The following TOM1L2 variants were observed in gnomAD, a reference collection of about 807,000 sequenced individuals.
The protein encoded by TOM1L2 is TOM1-like protein 2.
A neutral mutation model predicts 67.9 loss-of-function variants in TOM1L2; 31 were observed. The ratio of observed to expected loss-of-function variants is 0.46; its 90% CI spans 0.34 to 0.62. The LOEUF (loss-of-function observed/expected upper bound fraction) is 0.62, where lower values mean the gene tolerates loss of function less well. TOM1L2 is among the 20% of genes least tolerant of loss of function. TOM1L2 has a pLI of 0.01. For missense variants in TOM1L2, 606 were observed against 663.5 expected (o/e 0.91, Z 0.95); for synonymous variants, 256 against 254.0 (o/e 1.01, Z -0.07).
intron 4 of TOM1L2, among the ~76,000 whole-genome samples, chr17:17,889,723 C>G (rs936112322): frequency 6.6e-6 from 1 of 152,324 alleles, no homozygotes; most frequent in African/African-American, 2.4e-5. Context: ...CCACTCCACC[C>G]CCAAGCCACA....
chr17:17,933,954 T>C (rs2040425392), intron 1 of TOM1L2, among the ~76,000 whole-genome samples: 1 of 152,122 alleles, frequency 6.6e-6, no homozygotes, highest in Non-Finnish European at 1.5e-5. Flanking sequence ...GAGATGACAG[T>C]ATTATCCCAC....
In TOM1L2 at chr17:17,869,350, G is replaced by A; in HGVS notation, c.901C>T (p.Arg301Ter). The A allele has an allele frequency of 3.1e-6, 5 of 1,610,042 alleles. No individual in the cohort carries two copies. Among genetic ancestry groups the A allele is most frequent in the Middle Eastern group, 1.7e-4 (1 of 6,050 alleles). ...AAATCCGGCTCCCACCTCTCGTATC[G>A]AAGGAAGACGTTGTTGAGGTCATCG... ...VNDDLNNVFLRYERFERYRSG... is the reference protein window; with the variant it reads ...VNDDLNNVFL Residue 301 changes from arginine (R) to a stop codon, truncating the protein, a stop_gained, in exon 8 of 15, where the codon CGA (arginine) becomes TGA (stop). Transcript: ENST00000379504. LOFTEE classifies it high-confidence loss of function.
intron 6 of TOM1L2, among the ~76,000 whole-genome samples, 187 bp from the exon 7 acceptor site, chr17:17,879,930 AGAGCTGAATGGGC>A (rs1253993399): frequency 6.6e-6 from 1 of 152,148 alleles, no homozygotes; most frequent in Non-Finnish European, 1.5e-5. Flanking sequence ...CAGCTCTGAG[AGAGCTGAATGGGC>A]CCTGCCACCA....
intron 4 of TOM1L2, among the ~76,000 whole-genome samples, chr17:17,887,665 G>A: frequency 6.6e-6 from 1 of 152,106 alleles, no homozygotes; most frequent in Non-Finnish European, 1.5e-5. Flanking sequence ...TTGTAGAAAT[G>A]GGGTTTCATC....
chr17:17,898,572 C>T, intron 3 of TOM1L2, 24 bp downstream of exon 3: 1 of 1,613,568 alleles, frequency 6.2e-7, no homozygotes, highest in South Asian at 1.1e-5. Flanking sequence ...GATGACTTCT[C>T]TCCTCAAGGA....
chr17:17,874,283 T>C (rs1444288297), intron 7 of TOM1L2, among the ~76,000 whole-genome samples: 1 of 151,670 alleles, frequency 6.6e-6, no homozygotes, highest in Non-Finnish European at 1.5e-5. Context: ...ATTTATTTAA[T>C]ATGTTGAGAT....
chr17:17,969,434 A>T (rs1484524546), intron 1 of TOM1L2, among the ~76,000 whole-genome samples: 1 of 102,246 alleles, frequency 9.8e-6, no homozygotes. Flanking sequence ...CCAATCCCCC[A>T]CCCCCGCACA....
intron 1 of TOM1L2, among the ~76,000 whole-genome samples, chr17:17,964,344 C>T (rs1487044002): frequency 6.6e-6 from 1 of 152,210 alleles, no homozygotes; most frequent in Non-Finnish European, 1.5e-5. Flanking sequence ...AATGTATTTA[C>T]ACCGTTTTCC....
At chr17:17,909,577 C>A (rs2039251213) in intron 1 of TOM1L2, among the ~76,000 whole-genome samples, 1 of 144,524 alleles carries the variant, frequency 6.9e-6, no homozygotes, top group Non-Finnish European at 1.5e-5. Flanking sequence ...ATGGTGGTTG[C>A]CAGAGGCTGC....
chr17:17,958,082 T>G (rs2041537253), intron 1 of TOM1L2, among the ~76,000 whole-genome samples: 2 of 148,592 alleles, frequency 1.3e-5, no homozygotes, highest in Admixed American at 1.3e-4. Flanking sequence ...AGAGCAAGAC[T>G]CTGTCTCAAA....
chr17:17,885,245 A>T (rs1365543258), intron 4 of TOM1L2, among the ~76,000 whole-genome samples: 1 of 152,264 alleles, frequency 6.6e-6, no homozygotes, highest in Non-Finnish European at 1.5e-5. Flanking sequence ...CAGAAAGGAA[A>T]GGAGAAATTG....
At chr17:17,859,171 G>A (rs2036418144) in intron 12 of TOM1L2, 2 of 152,182 alleles carry the variant, frequency 1.3e-5, no homozygotes, top group South Asian at 2.1e-4. Flanking sequence ...CCGCCTTTGG[G>A]TTCAAGCGAT....
chr17:17,889,136 C>T (rs928835677), intron 4 of TOM1L2, among the ~76,000 whole-genome samples: 1 of 152,188 alleles, frequency 6.6e-6, no homozygotes, highest in Non-Finnish European at 1.5e-5. Flanking sequence ...CAGAACCACA[C>T]TGCTGGGTCT....
At chr17:17,850,215 C>T (rs1385382449) in intron 13 of TOM1L2, among the ~76,000 whole-genome samples, 1 of 152,158 alleles carries the variant, frequency 6.6e-6, no homozygotes, top group Admixed American at 6.5e-5. Context: ...CACCCTGGCC[C>T]CCTACTGGGC....
chr17:17,954,072 T>C (rs2041323750), intron 1 of TOM1L2, among the ~76,000 whole-genome samples: 1 of 152,220 alleles, frequency 6.6e-6, no homozygotes, highest in Admixed American at 6.5e-5. Context: ...GCCACTGCAG[T>C]TCAGAGGCTT....
chr17:17,960,424 C>T lies in TOM1L2; in HGVS notation c.52+11838G>A, dbSNP rs917366051. On this transcript the variant is annotated intron_variant, in intron 1 of 14. Coordinates refer to ENST00000379504, the MANE Select transcript of TOM1L2 (RefSeq NM_001082968.2). ...TCTCAGCTCACAGCAACCTCTGCCTCCTGGGCTCATGCCATCTTCCCACCT... is the reference window on the plus strand; with the variant it reads ...TCTCAGCTCACAGCAACCTCTGCCTTCTGGGCTCATGCCATCTTCCCACCT... Among the ~76,000 whole-genome samples the T allele has an allele frequency of 2.0e-5, 3 of 152,192 alleles. No individual in the cohort carries two copies. The East Asian group carries it at 5.8e-4, about 29-fold the overall frequency.
chr17:17,903,145 G>A (rs532911630), intron 2 of TOM1L2, among the ~76,000 whole-genome samples: 121 of 152,238 alleles, frequency 7.9e-4, no homozygotes, highest in Non-Finnish European at 1.5e-3. Context: ...ACTAGTCTCC[G>A]TAGCTATATA....
At chr17:17,914,446 G>C (rs1182368727) in intron 1 of TOM1L2, among the ~76,000 whole-genome samples, 3 of 152,162 alleles carry the variant, frequency 2.0e-5, no homozygotes, top group Non-Finnish European at 2.9e-5. Context: ...TTAGGCCCAG[G>C]TCTGCTCCTT....
rs765717747 is a variant in TOM1L2, at chr17:17,866,938, G to A, written c.912-14C>T. ...TATCGTTCGAACCTAACAGGGGAAG[G>A]GAAAGCAGAAGTAAGGAGAGAGGAT... On this transcript the variant is annotated splice_polypyrimidine_tract_variant and intron_variant, in intron 8 of 14. Coordinates refer to ENST00000379504, the MANE Select transcript of TOM1L2 (RefSeq NM_001082968.2). 5 of 1,613,910 alleles carry A rather than the reference G, an allele frequency of 3.1e-6. No individual in the cohort carries two copies. The East Asian group carries it at 1.1e-4, about 36-fold the overall frequency.
Sources: allele counts gnomAD v4.1 joint callset (sites outside exome capture counted in the v4.1 genomes callset), GRCh38; gene constraint gnomAD v4.1.1; transcripts MANE v1.5; gene names NCBI Gene and HGNC (gene_info 2026-07-23, HGNC 2026-07-21).